XPA: variants seen among roughly 807,000 people sequenced by gnomAD.
XPA encodes DNA repair protein complementing XP-A cells.
XPA carries 27 observed loss-of-function variants against 35.7 expected under a neutral mutation model. The observed-to-expected ratio is 0.76, with a 90% CI of 0.56 to 1.04. The LOEUF is 1.04. XPA is among the 50% of genes least tolerant of loss of function. XPA has a pLI of 0.00. For synonymous variants in XPA, 133 were observed against 118.4 expected (o/e 1.12, Z -0.80); for missense variants, 354 against 342.7 (o/e 1.03, Z -0.26).
the XPA span, among the ~76,000 whole-genome samples, chr9:97,655,178 T>G: frequency 6.6e-6 from 1 of 152,226 alleles, no homozygotes; most frequent in Non-Finnish European, 1.5e-5. Context: ...AGACTATACT[T>G]TGGCTCTGCC....
chr9:97,676,421 A>G (rs929942598), intron 5 of XPA, among the ~76,000 whole-genome samples: 5 of 152,234 alleles, frequency 3.3e-5, no homozygotes, highest in African/African-American at 9.6e-5. Flanking sequence ...TTACACTTCT[A>G]TTCTCACCAG....
At chr9:97,674,903 A>AC (rs1234937301), downstream of XPA, 1 of 498,266 alleles carries the variant, frequency 2.0e-6, no homozygotes, top group Non-Finnish European at 4.0e-6. Flanking sequence ...AGTACAGAAA[A>AC]CATGATCAGA....
downstream of XPA, chr9:97,672,117 T>C (rs1324762506): frequency 2.0e-5 from 3 of 152,216 alleles, no homozygotes; most frequent in African/African-American, 7.2e-5. Flanking sequence ...GTCCTGAGCT[T>C]GTTTCCTGTA....
chr9:97,694,264 G>A (rs1186306194), intron 1 of XPA, among the ~76,000 whole-genome samples: 2 of 152,260 alleles, frequency 1.3e-5, no homozygotes, highest in African/African-American at 4.8e-5. Context: ...GCGTGCGCAC[G>A]TGTGCACCCG....
downstream of XPA, among the ~76,000 whole-genome samples, chr9:97,670,776 A>C (rs1312258725): frequency 6.6e-6 from 1 of 152,232 alleles, no homozygotes; most frequent in African/African-American, 2.4e-5. Flanking sequence ...GAGCTAGCTG[A>C]GCCTAGTCCG....
chr9:97,678,409 A>G (rs1828433801), intron 5 of XPA, among the ~76,000 whole-genome samples: 1 of 150,440 alleles, frequency 6.6e-6, no homozygotes, highest in African/African-American at 2.4e-5. Flanking sequence ...TCAAAAGTAA[A>G]TAAGTAAATA....
the XPA span, chr9:97,656,145 C>G: frequency 1.5e-6 from 2 of 1,303,774 alleles, no homozygotes; most frequent in Non-Finnish European, 2.2e-6. Flanking sequence ...CTCTTCTCTG[C>G]ACTTGTGATG....
intron 5 of XPA, among the ~76,000 whole-genome samples, chr9:97,680,466 C>A (rs1237446586): frequency 2.0e-5 from 3 of 152,164 alleles, no homozygotes; most frequent in Non-Finnish European, 4.4e-5. Context: ...GCCTCGGCCT[C>A]CTGAAGTGTT....
At chr9:97,678,625 C>A (rs915511594) in intron 5 of XPA, among the ~76,000 whole-genome samples, 1 of 152,168 alleles carries the variant, frequency 6.6e-6, no homozygotes, top group African/African-American at 2.4e-5. Context: ...AGAAGGAATG[C>A]TGGAATTAGA....
chr9:97,660,820 G>A, the XPA span: 3 of 1,103,346 alleles, frequency 2.7e-6, no homozygotes, highest in East Asian at 5.0e-5. Context: ...TATTGACCTT[G>A]GGATAAAGAG....
the XPA span, chr9:97,655,009 AT>A: frequency 3.9e-6 from 5 of 1,287,500 alleles, no homozygotes. Context: ...TCATAAAGGA[AT>A]TTGAGAAAGA....
chr9:97,674,288 C>T (rs148735165), downstream of XPA, among the ~76,000 whole-genome samples: 3 of 151,702 alleles, frequency 2.0e-5, no homozygotes, highest in East Asian at 1.9e-4. Context: ...TAGCATAGCA[C>T]GTATTAGTCA....
chr9:97,692,377 C>T lies in XPA; in HGVS notation c.283+1272G>A, dbSNP rs545139737. ...TTCCTATCACTGCCTTCCCTTACCTCCTTCATTATAACACACTAATCTCCA... is the reference window on the plus strand; with the variant it reads ...TTCCTATCACTGCCTTCCCTTACCTTCTTCATTATAACACACTAATCTCCA... On this transcript the variant is annotated intron_variant, in intron 2 of 5. Coordinates refer to ENST00000375128, the MANE Select transcript of XPA (RefSeq NM_000380.4). Among the ~76,000 whole-genome samples the T allele has an allele frequency of 2.6e-5, 4 of 152,202 alleles. No homozygotes were observed. In the South Asian group the frequency reaches 8.3e-4, roughly 32 times the overall value.
chr9:97,659,471 G>T, the XPA span, among the ~76,000 whole-genome samples: 2,133 of 152,268 alleles, frequency 0.014, 102 homozygotes, highest in East Asian at 0.13. Context: ...TCCTTGAAAT[G>T]AACTGTGTCG....
the XPA span, chr9:97,669,757 T>G: frequency 7.7e-7 from 1 of 1,302,268 alleles, no homozygotes. Context: ...GCCACAAAGA[T>G]TTTTCATTAA....
At chr9:97,660,949 C>T in the XPA span, 4 of 1,608,290 alleles carry the variant, frequency 2.5e-6, no homozygotes, top group Non-Finnish European at 3.4e-6. Context: ...TGTTTAGATT[C>T]TCTTCCTGGA....
chr9:97,687,072 TAATA>T lies in XPA; in HGVS notation c.555+20_555+23del, dbSNP rs1828740602. The T allele has an allele frequency of 1.3e-6, 2 of 1,592,900 alleles. No individual in the cohort carries two copies. Among genetic ancestry groups the T allele is most frequent in the Middle Eastern group, 1.8e-4 (1 of 5,550 alleles). On this transcript the variant is annotated intron_variant, in intron 4 of 5. Coordinates refer to ENST00000375128, the MANE Select transcript of XPA (RefSeq NM_000380.4). ...ATTAAGAATTTACCAGAGTGAAAAATAATAAATACAACTTATTAGAGACCTGTAA... is the reference window on the plus strand; with the variant it reads ...ATTAAGAATTTACCAGAGTGAAAAATAATACAACTTATTAGAGACCTGTAA...
At chr9:97,686,957 A>G in intron 4 of XPA, 139 bp downstream of exon 4, 1 of 794,202 alleles carries the variant, frequency 1.3e-6, no homozygotes. Flanking sequence ...AAATGTCATT[A>G]TACATGACTG....
Position 97,693,638 on chromosome 9 carries a change from A to C in XPA, c.283+11T>G, listed in dbSNP as rs1337885459. ...CAATCTAGATACTTATTTTTGAAAA[A>C]CTCACTTTACCTGGTTGATGAACAA... On this transcript the variant is annotated intron_variant, in intron 2 of 5. Transcript: ENST00000375128. The C allele has an allele frequency of 6.2e-7, 1 of 1,611,846 alleles. No individual in the cohort carries two copies. The highest frequency in any genetic ancestry group is 8.5e-7 in the Non-Finnish European group (1 of 1,179,020).
Sources: gnomAD v4.1 joint callset for allele counts (sites outside exome capture counted in the v4.1 genomes callset) on GRCh38, gnomAD v4.1.1 for gene constraint, MANE v1.5 for transcripts, NCBI Gene and HGNC (gene_info 2026-07-23, HGNC 2026-07-21) for gene names.